Variants in STAG1 observed in about 807,000 individuals in gnomAD.
STAG1 encodes the protein cohesin subunit SA-1.
In STAG1, 26 loss-of-function variants were observed where a neutral mutation model predicts 170.9. The ratio of observed to expected loss-of-function variants is 0.15; its 90% CI spans 0.11 to 0.21. The LOEUF (loss-of-function observed/expected upper bound fraction) is 0.21, where lower values mean the gene tolerates loss of function less well. STAG1 is among the 10% of genes least tolerant of loss of function. The pLI is 1.00. For missense variants in STAG1, 964 were observed against 1,509.5 expected, an observed-to-expected ratio of 0.64 and a Z score of 5.99; for synonymous variants, 514 against 497.7, an observed-to-expected ratio of 1.03 and a Z score of -0.44.
At chr3:136,364,058 C>A (rs1251351090) in intron 25 of STAG1, among the ~76,000 whole-genome samples, 1 of 151,394 alleles carries the variant, frequency 6.6e-6, no homozygotes, top group Non-Finnish European at 1.5e-5. Context: ...CTGCACCTGG[C>A]CTTCTCCATT....
intron 6 of STAG1, among the ~76,000 whole-genome samples, chr3:136,536,954 T>A (rs1220409583): frequency 1.3e-5 from 2 of 152,186 alleles, no homozygotes; most frequent in African/African-American, 4.8e-5. Flanking sequence ...TTAGCTATTA[T>A]TATTACTATT....
At chr3:136,349,081 T>G (rs1056938924) in intron 29 of STAG1, 77 bp downstream of exon 29, 47 of 1,125,210 alleles carry the variant, frequency 4.2e-5, no homozygotes, top group Non-Finnish European at 6.2e-5. Context: ...ACTATTATCT[T>G]GCTTCAAAAG....
intron 1 of STAG1, among the ~76,000 whole-genome samples, chr3:136,637,851 C>T (rs1201677596): frequency 6.6e-6 from 1 of 151,824 alleles, no homozygotes; most frequent in Non-Finnish European, 1.5e-5. Flanking sequence ...TTTTTGTTCA[C>T]TTCTACATAT....
chr3:136,580,601 T>C (rs558167105), intron 4 of STAG1, among the ~76,000 whole-genome samples: 1 of 142,664 alleles, frequency 7.0e-6, no homozygotes, highest in Non-Finnish European at 1.5e-5. Context: ...TGGCGCAATC[T>C]CGGCTCACTG....
At chr3:136,655,756 T>A (rs1214566195) in intron 1 of STAG1, among the ~76,000 whole-genome samples, 1 of 148,960 alleles carries the variant, frequency 6.7e-6, no homozygotes, top group African/African-American at 2.5e-5. Flanking sequence ...AGGGTAAGAC[T>A]CCATTAAAAA....
chr3:136,539,470 C>A (rs1462373825), intron 6 of STAG1, among the ~76,000 whole-genome samples: 1 of 152,084 alleles, frequency 6.6e-6, no homozygotes, highest in East Asian at 1.9e-4. Context: ...ATTAAAGGCA[C>A]TAAATGAATA....
intron 9 of STAG1, among the ~76,000 whole-genome samples, chr3:136,488,627 G>A (rs959113078): frequency 5.9e-5 from 9 of 152,154 alleles, no homozygotes; most frequent in African/African-American, 1.7e-4. Flanking sequence ...ATAATACCCT[G>A]AATTCTACTC....
At position 136,377,522 on chromosome 3, in the gene STAG1, C is replaced by T. The variant is rs916955872; in HGVS notation, c.2370+138G>A. On this transcript the variant is annotated intron_variant, in intron 23 of 33. Coordinates refer to ENST00000383202, the MANE Select transcript of STAG1 (RefSeq NM_005862.3). ...TGCTTTATAACATAAATTCACACAT[C>T]TACAGTCTTGTTCCAGGTCCAGTAA... 3.3e-5 allele frequency: 20 copies of T among 607,444 alleles called. No homozygotes were observed. In the African/African-American group the frequency reaches 3.3e-4, roughly 10 times the overall value. 37.6% of individuals were successfully genotyped at this position (607,444 alleles called of 1,614,324 possible).
chr3:136,438,909 T>C (rs369524549), intron 15 of STAG1, among the ~76,000 whole-genome samples: 1 of 151,922 alleles, frequency 6.6e-6, no homozygotes, highest in East Asian at 1.9e-4. Flanking sequence ...CTAGTTAAAG[T>C]TTCTCAGCCA....
intron 1 of STAG1, among the ~76,000 whole-genome samples, chr3:136,647,091 A>C (rs544768491): frequency 1.1e-4 from 17 of 152,272 alleles, no homozygotes; most frequent in Middle Eastern, 3.4e-3. Context: ...CAATTGTGTC[A>C]ATTTTTTAAA....
chr3:136,398,122 T>C (rs1474615786), intron 22 of STAG1, among the ~76,000 whole-genome samples: 1 of 143,574 alleles, frequency 7.0e-6, no homozygotes, highest in Non-Finnish European at 1.5e-5. Context: ...AATTTTTGTA[T>C]TTTTTTTTTT....
At chr3:136,348,535 A>G (rs1134157) in intron 29 of STAG1, among the ~76,000 whole-genome samples, 1 of 152,128 alleles carries the variant, frequency 6.6e-6, no homozygotes, top group African/African-American at 2.4e-5. Context: ...CGGCTTCCCA[A>G]GTAGCTGGGA....
chr3:136,546,773 T>G (rs1436797988), intron 5 of STAG1, among the ~76,000 whole-genome samples: 1 of 152,196 alleles, frequency 6.6e-6, no homozygotes, highest in Non-Finnish European at 1.5e-5. Flanking sequence ...AGCAAGTACC[T>G]TGTTTATAGA....
At chr3:136,419,050 G>C (rs2087866986) in intron 20 of STAG1, among the ~76,000 whole-genome samples, 1 of 152,054 alleles carries the variant, frequency 6.6e-6, no homozygotes, top group Non-Finnish European at 1.5e-5. Flanking sequence ...ATAAAACTCG[G>C]GGAAAGGAAA....
rs151223395 is a variant in STAG1, at chr3:136,657,585, G to A, written c.-83-26604C>T. 4.6e-5 allele frequency among the ~76,000 whole-genome samples: 7 copies of A among 152,234 alleles called. No individual in the cohort carries two copies. The East Asian group carries it at 1.2e-3, about 25-fold the overall frequency. On this transcript the variant is annotated intron_variant, in intron 1 of 33. Coordinates refer to ENST00000383202, the MANE Select transcript of STAG1 (RefSeq NM_005862.3). The stretch of plus-strand genomic sequence containing the variant: ...GCCTGTAATCCAAACATTTTGGGAG[G>A]CTAAAGCCAGTGGATTGCTTACACC...
At chr3:136,585,251 G>A (rs570937809) in intron 4 of STAG1, among the ~76,000 whole-genome samples, 13 of 152,254 alleles carry the variant, frequency 8.5e-5, no homozygotes, top group African/African-American at 3.1e-4. Context: ...AGACCAGCCT[G>A]GCCAACATGG....
At chr3:136,417,179 G>T (rs112509223) in intron 21 of STAG1, among the ~76,000 whole-genome samples, 104 of 152,098 alleles carry the variant, frequency 6.8e-4, no homozygotes, top group African/African-American at 2.4e-3. Context: ...GATTATTATT[G>T]TATCTGTTGA....
intron 13 of STAG1, among the ~76,000 whole-genome samples, chr3:136,456,612 T>C (rs966760252): frequency 2.0e-5 from 3 of 152,006 alleles, no homozygotes; most frequent in Admixed American, 1.3e-4. Context: ...GGCTGAAAAT[T>C]CCCCAAATCT....
At chr3:136,608,454 C>T (rs543369129) in intron 3 of STAG1, among the ~76,000 whole-genome samples, 18 of 149,178 alleles carry the variant, frequency 1.2e-4, no homozygotes, top group African/African-American at 4.2e-4. Flanking sequence ...TCGATTGAGC[C>T]GGGGAGGCAG....
Sources: gnomAD v4.1 joint callset for allele counts (sites outside exome capture counted in the v4.1 genomes callset) on GRCh38, gnomAD v4.1.1 for gene constraint, MANE v1.5 for transcripts, NCBI Gene and HGNC (gene_info 2026-07-23, HGNC 2026-07-21) for gene names.